TENM2: variants seen among roughly 807,000 people sequenced by gnomAD.
TENM2 encodes teneurin transmembrane protein 2, also known as teneurin-2.
A neutral mutation model predicts 245.2 loss-of-function variants in TENM2; 52 were observed. The observed-to-expected ratio is 0.21, with a 90% CI of 0.17 to 0.27. The LOEUF is 0.27. Among genes scored for constraint, TENM2 ranks in the 10% least tolerant of loss-of-function variants. The pLI, the probability that TENM2 is intolerant of heterozygous loss-of-function variation, is 1.00. For synonymous variants in TENM2, 1,363 were observed against 1,438.9 expected, an observed-to-expected ratio of 0.95 and a Z score of 1.19; for missense variants, 3,046 against 3,666.8, an observed-to-expected ratio of 0.83 and a Z score of 4.37.
the TENM2 span, among the ~76,000 whole-genome samples, chr5:167,016,280 A>AC: frequency 3.5e-5 from 3 of 85,668 alleles, no homozygotes; most frequent in African/African-American, 1.2e-4. Flanking sequence ...AAACAAACAA[A>AC]CAAAAAAAAA....
intron 2 of TENM2, among the ~76,000 whole-genome samples, chr5:167,415,501 A>C (rs959372727): frequency 1.3e-5 from 2 of 152,174 alleles, no homozygotes; most frequent in African/African-American, 4.8e-5. Flanking sequence ...AAAATTTAAT[A>C]AAATTAATTG....
chr5:167,605,472 A>C (rs2127737199), intron 2 of TENM2, among the ~76,000 whole-genome samples: 1 of 152,240 alleles, frequency 6.6e-6, no homozygotes, highest in Admixed American at 6.5e-5. Flanking sequence ...TTCATCCCAA[A>C]GTTCTCTGTT....
chr5:167,960,824 T>G (rs955342877), intron 4 of TENM2, among the ~76,000 whole-genome samples: 8 of 152,142 alleles, frequency 5.3e-5, no homozygotes, highest in Non-Finnish European at 1.0e-4. Context: ...AGGGCCCTGG[T>G]GGTGTAGGCA....
intron 5 of TENM2, among the ~76,000 whole-genome samples, chr5:168,021,433 C>T (rs1322213316): frequency 6.6e-6 from 1 of 152,218 alleles, no homozygotes; most frequent in Non-Finnish European, 1.5e-5. Context: ...TCGAGGCATC[C>T]ACCCAGCTCC....
chr5:168,104,548 C>T (rs1487137315), intron 9 of TENM2, among the ~76,000 whole-genome samples: 1 of 152,184 alleles, frequency 6.6e-6, no homozygotes, highest in African/African-American at 2.4e-5. Context: ...ATCCAAGCGA[C>T]CGGGTATGTG....
chr5:167,124,236 T>C, the TENM2 span, among the ~76,000 whole-genome samples: 1 of 152,170 alleles, frequency 6.6e-6, no homozygotes, highest in Non-Finnish European at 1.5e-5. Flanking sequence ...TTCTAAAAAA[T>C]AAAAACAGAA....
chr5:168,056,967 T>C (rs1454543199), intron 6 of TENM2, among the ~76,000 whole-genome samples: 1 of 152,120 alleles, frequency 6.6e-6, no homozygotes, highest in South Asian at 2.1e-4. Context: ...GTGAGTATAC[T>C]CACACCACTA....
At chr5:167,926,455 C>T (rs909336311) in intron 3 of TENM2, among the ~76,000 whole-genome samples, 9 of 152,286 alleles carry the variant, frequency 5.9e-5, no homozygotes, top group African/African-American at 2.2e-4. Context: ...CAAGGTGGCT[C>T]ATGCCTGTAA....
intron 5 of TENM2, among the ~76,000 whole-genome samples, chr5:167,998,795 G>A (rs1255771086): frequency 1.3e-5 from 2 of 152,102 alleles, no homozygotes; most frequent in Non-Finnish European, 2.9e-5. Context: ...CTGCCACTCT[G>A]ACTTTGATCT....
the TENM2 span, among the ~76,000 whole-genome samples, chr5:167,134,854 CT>C: frequency 6.6e-6 from 1 of 152,080 alleles, no homozygotes; most frequent in East Asian, 1.9e-4. Flanking sequence ...TTAGTAATGG[CT>C]TTAAAACACC....
chr5:167,445,369 A>AGTGAGT lies in TENM2; in HGVS notation c.502+69899_502+69900insAGTGTG, dbSNP rs1554154173. ...GAGAGAGAGAGAGAGAGAGAGAGAG[A>AGTGAGT]GTGTCAGGTGTTGTCTTGTTGTTGG... On this transcript the variant is annotated intron_variant, in intron 2 of 28. Transcript: ENST00000518659. 1.1e-3 allele frequency among the ~76,000 whole-genome samples: 104 copies of AGTGAGT among 98,588 alleles called. 1 individual carries two copies. Among genetic ancestry groups the AGTGAGT allele is most frequent in the African/African-American group, 4.9e-3 (98 of 19,828 alleles). The allele number at this position is 98,588 out of a possible 152,430, so 64.7% of individuals were successfully genotyped here.
chr5:168,024,754 A>G (rs932537403), intron 5 of TENM2, among the ~76,000 whole-genome samples: 1 of 152,182 alleles, frequency 6.6e-6, no homozygotes, highest in Admixed American at 6.5e-5. Context: ...AGAAAGGGCC[A>G]CTGCCAGGGC....
chr5:167,820,382 G>T (rs575682593), intron 2 of TENM2, among the ~76,000 whole-genome samples: 1 of 152,296 alleles, frequency 6.6e-6, no homozygotes, highest in East Asian at 1.9e-4. Context: ...GCTTGCTGAG[G>T]AATGCTGATG....
chr5:167,189,084 C>A, the TENM2 span, among the ~76,000 whole-genome samples: 2 of 152,082 alleles, frequency 1.3e-5, no homozygotes, highest in African/African-American at 4.8e-5. Context: ...AATCATTCCT[C>A]ACCTCCTTCC....
chr5:167,242,772 A>T, the TENM2 span, among the ~76,000 whole-genome samples: 1 of 152,224 alleles, frequency 6.6e-6, no homozygotes, highest in Non-Finnish European at 1.5e-5. Flanking sequence ...TCCAGTGAAC[A>T]GTAGGCTATT....
chr5:168,027,433 G>A (rs1349318390), intron 5 of TENM2, among the ~76,000 whole-genome samples: 1 of 152,170 alleles, frequency 6.6e-6, no homozygotes, highest in Non-Finnish European at 1.5e-5. Context: ...GCTTCTGCTA[G>A]CAGACTGGAG....
chr5:167,745,347 T>C (rs1287065791), intron 2 of TENM2, among the ~76,000 whole-genome samples: 1 of 152,220 alleles, frequency 6.6e-6, no homozygotes, highest in Non-Finnish European at 1.5e-5. Context: ...CCTCAGAGAA[T>C]GTTGGCTCTG....
At chr5:167,840,975 A>G (rs1349619040) in intron 2 of TENM2, among the ~76,000 whole-genome samples, 6 of 151,988 alleles carry the variant, frequency 3.9e-5, no homozygotes, top group African/African-American at 1.2e-4. Flanking sequence ...AACACACCCA[A>G]TTTGTCGGAG....
chr5:167,825,415 C>T (rs990199929), intron 2 of TENM2, among the ~76,000 whole-genome samples: 5 of 152,132 alleles, frequency 3.3e-5, no homozygotes, highest in Non-Finnish European at 5.9e-5. Context: ...CTAGTGGTTC[C>T]ATGAACATCT....
Sources: allele counts gnomAD v4.1 joint callset (sites outside exome capture counted in the v4.1 genomes callset), GRCh38; gene constraint gnomAD v4.1.1; transcripts MANE v1.5; gene names NCBI Gene and HGNC (gene_info 2026-07-23, HGNC 2026-07-21).